The following JCAD variants were observed in gnomAD, a reference collection of about 807,000 sequenced individuals.
The protein encoded by JCAD is junctional cadherin 5-associated protein.
In JCAD, 40 loss-of-function variants were observed where a neutral mutation model predicts 98.0. The observed-to-expected ratio is 0.41, with a 90% CI of 0.32 to 0.53. The LOEUF (loss-of-function observed/expected upper bound fraction) is 0.53, where lower values mean the gene tolerates loss of function less well. Among genes scored for constraint, JCAD ranks in the 20% least tolerant of loss-of-function variants. The pLI is 0.31. For missense variants in JCAD, 1,705 were observed against 1,738.1 expected, an observed-to-expected ratio of 0.98 and a Z score of 0.34; for synonymous variants, 691 against 682.3, an observed-to-expected ratio of 1.01 and a Z score of -0.20.
intron 3 of JCAD, 174 bp downstream of exon 3, chr10:30,025,929 G>C (rs2132610514): frequency 1.4e-6 from 1 of 738,050 alleles, no homozygotes; most frequent in Admixed American, 2.8e-5. Context: ...GAATTTTAAA[G>C]ATGGCTTCTG....
At chr10:30,020,712 C>A (rs550894880) in intron 3 of JCAD, among the ~76,000 whole-genome samples, 10 of 152,318 alleles carry the variant, frequency 6.6e-5, no homozygotes, top group African/African-American at 2.4e-4. Context: ...CAATATAAGA[C>A]ATTAATAGCT....
intron 1 of JCAD, among the ~76,000 whole-genome samples, chr10:30,081,926 T>C (rs1285108560): frequency 6.6e-6 from 1 of 152,226 alleles, no homozygotes; most frequent in Non-Finnish European, 1.5e-5. Flanking sequence ...TGGCCTATAA[T>C]TCTGTTGCAC....
chr10:30,090,407 T>A (rs559645764), intron 1 of JCAD, among the ~76,000 whole-genome samples: 40 of 152,234 alleles, frequency 2.6e-4, no homozygotes, highest in African/African-American at 9.1e-4. Context: ...CCAGGCGTGG[T>A]GGCGGGTGCC....
chr10:30,067,848 G>A (rs12242167), intron 2 of JCAD, among the ~76,000 whole-genome samples: 6,772 of 152,200 alleles, frequency 0.044, 403 homozygotes, highest in African/African-American at 0.13. Flanking sequence ...ACAAACCAAG[G>A]TGGTGTAGCC....
At chr10:30,079,346 C>CAAAAAAA (rs373809311) in intron 1 of JCAD, among the ~76,000 whole-genome samples, 14 of 64,664 alleles carry the variant, frequency 2.2e-4, no homozygotes, top group East Asian at 4.3e-4. Flanking sequence ...GACTCCATCT[C>CAAAAAAA]AAAAAAAAAA....
At chr10:30,018,049 A>T (rs980516729) in intron 3 of JCAD, 132 bp from the exon 4 acceptor site, 1 of 679,198 alleles carries the variant, frequency 1.5e-6, no homozygotes, top group African/African-American at 1.8e-5. Flanking sequence ...TAGACATTTT[A>T]ACAATCATGT....
At chr10:30,115,029 AC>A (rs543345007) in intron 1 of JCAD, among the ~76,000 whole-genome samples, 10 of 152,338 alleles carry the variant, frequency 6.6e-5, no homozygotes, top group Admixed American at 3.3e-4. Context: ...TGGTCACGTG[AC>A]CAACCTCAGA....
chr10:30,057,775 T>G (rs1023451862), intron 1 of JCAD, among the ~76,000 whole-genome samples: 1 of 152,164 alleles, frequency 6.6e-6, no homozygotes, highest in African/African-American at 2.4e-5. Context: ...CAGTGACACT[T>G]AGAGACTTCA....
At chr10:30,101,661 C>T (rs1838472778) in intron 1 of JCAD, among the ~76,000 whole-genome samples, 1 of 152,050 alleles carries the variant, frequency 6.6e-6, no homozygotes, top group African/African-American at 2.4e-5. Flanking sequence ...AGCCACCACG[C>T]CCGGCTCAGG....
rs201475912 is a variant in JCAD at position 30,044,015 on chromosome 10, T to C, written c.281+3517A>G. Among the ~76,000 whole-genome samples the C allele has an allele frequency of 2.1e-4, 32 of 152,286 alleles. No homozygotes were observed. In the East Asian group the frequency reaches 5.4e-3, roughly 26 times the overall value. The stretch of plus-strand genomic sequence containing the variant: ...TAAGAGGTGATGAGGTAATGAGGGT[T>C]CCACCCTCCTAGGTGGGATTGGTGC... On this transcript the variant is annotated intron_variant, in intron 2 of 3. Coordinates refer to ENST00000375377, the MANE Select transcript of JCAD (RefSeq NM_020848.4).
chr10:30,094,572 G>A (rs555422253), intron 1 of JCAD, among the ~76,000 whole-genome samples: 77 of 152,340 alleles, frequency 5.1e-4, no homozygotes, highest in African/African-American at 1.7e-3. Flanking sequence ...TGCTGCCACA[G>A]TGCATGCAAT....
At chr10:30,070,704 C>A (rs1451504941) in intron 1 of JCAD, among the ~76,000 whole-genome samples, 2 of 152,176 alleles carry the variant, frequency 1.3e-5, no homozygotes, top group African/African-American at 4.8e-5. Context: ...TATGCCGGAG[C>A]CACAGTTTTA....
rs199858771 is a variant in JCAD, at chr10:30,029,352, C to T, written c.796G>A (p.Ala266Thr). The change falls in exon 3 of 4, where the codon GCA becomes ACA. Residue 266 changes from alanine (A) to threonine (T), a missense_variant. Physicochemically the swap from Ala to Thr is moderately conservative, Grantham distance 58 (BLOSUM62 0). Coordinates refer to ENST00000375377, the MANE Select transcript of JCAD (RefSeq NM_020848.4). Reference protein sequence around the residue: ...PKMPPYPPTCAPNLDSTRNSE... With the variant: ...PKMPPYPPTCTPNLDSTRNSE... ...TTCCTCGTGGAGTCCAAATTTGGTG[C>T]GCAAGTGGGAGGATACGGTGGCATT... 9.4e-5 allele frequency: 152 copies of T among 1,613,798 alleles called. No individual in the cohort carries two copies. The highest frequency in any genetic ancestry group is 6.6e-4 in the Middle Eastern group (4 of 6,062).
intron 1 of JCAD, among the ~76,000 whole-genome samples, chr10:30,088,344 C>A (rs1238754087): frequency 6.6e-6 from 1 of 151,962 alleles, no homozygotes; most frequent in Non-Finnish European, 1.5e-5. Flanking sequence ...AAACAGTCAC[C>A]CTAGGAGTTC....
chr10:30,071,086 G>A (rs1459784900), intron 1 of JCAD, among the ~76,000 whole-genome samples: 1 of 152,104 alleles, frequency 6.6e-6, no homozygotes, highest in Non-Finnish European at 1.5e-5. Context: ...TGTGTTTTTA[G>A]TAGAGATGGG....
chr10:30,019,119 G>A (rs1836600639), intron 3 of JCAD, among the ~76,000 whole-genome samples: 2 of 152,128 alleles, frequency 1.3e-5, no homozygotes, highest in African/African-American at 4.8e-5. Context: ...ACTTTGGGAG[G>A]CCGAGGCAGG....
At chr10:30,041,698 T>A (rs954007718) in intron 2 of JCAD, among the ~76,000 whole-genome samples, 4 of 152,170 alleles carry the variant, frequency 2.6e-5, no homozygotes, top group African/African-American at 7.2e-5. Context: ...AACAAAAAAA[T>A]CTTACCAGAA....
intron 3 of JCAD, among the ~76,000 whole-genome samples, chr10:30,019,056 T>G (rs1836598861): frequency 6.6e-6 from 1 of 152,060 alleles, no homozygotes; most frequent in Non-Finnish European, 1.5e-5. Flanking sequence ...ACTGGATGTA[T>G]GGATAAAGAA....
chr10:30,110,950 T>A (rs865783627), intron 1 of JCAD, among the ~76,000 whole-genome samples: 7 of 152,160 alleles, frequency 4.6e-5, no homozygotes, highest in African/African-American at 1.7e-4. Context: ...CTGGTTGATG[T>A]ATGGACCCCC....
Sources: gnomAD v4.1 joint callset for allele counts (sites outside exome capture counted in the v4.1 genomes callset) on GRCh38, gnomAD v4.1.1 for gene constraint, MANE v1.5 for transcripts, NCBI Gene and HGNC (gene_info 2026-07-23, HGNC 2026-07-21) for gene names.